CCDC91: variants seen among roughly 807,000 people sequenced by gnomAD.
CCDC91 encodes the protein coiled-coil domain-containing protein 91.
Under a neutral mutation model 63.2 loss-of-function variants are expected in CCDC91, and 48 were observed. That is an observed-to-expected ratio of 0.76 (90% CI 0.60 to 0.97). CCDC91 has a LOEUF of 0.97. Among genes scored for constraint, CCDC91 ranks in the 50% least tolerant of loss-of-function variants. The pLI is 0.00. For synonymous variants in CCDC91, 167 were observed against 165.8 expected, an observed-to-expected ratio of 1.01 and a Z score of -0.06; for missense variants, 500 against 494.6, an observed-to-expected ratio of 1.01 and a Z score of -0.10.
intron 1 of CCDC91, among the ~76,000 whole-genome samples, chr12:28,208,648 A>T (rs1943019210): frequency 6.6e-6 from 1 of 152,252 alleles, no homozygotes; most frequent in African/African-American, 2.4e-5. Context: ...GGTTACTGTA[A>T]GTCATTCATT....
intron 6 of CCDC91, among the ~76,000 whole-genome samples, chr12:28,341,400 A>T (rs1202995532): frequency 1.3e-5 from 2 of 152,062 alleles, no homozygotes; most frequent in Admixed American, 1.3e-4. Flanking sequence ...CCCCTCCCAT[A>T]TCATCACTTT....
intron 7 of CCDC91, among the ~76,000 whole-genome samples, chr12:28,386,454 T>C (rs1212853300): frequency 1.3e-5 from 2 of 152,102 alleles, no homozygotes; most frequent in African/African-American, 4.8e-5. Context: ...CTGTAACCTC[T>C]GCCTCCCGGG....
At chr12:28,423,410 C>G (rs1347414096) in intron 8 of CCDC91, among the ~76,000 whole-genome samples, 1 of 151,952 alleles carries the variant, frequency 6.6e-6, no homozygotes, top group Non-Finnish European at 1.5e-5. Context: ...GGGACAAAGG[C>G]ATTAGAGAAA....
At chr12:28,476,084 A>T (rs113235812) in intron 11 of CCDC91, among the ~76,000 whole-genome samples, 21 of 152,118 alleles carry the variant, frequency 1.4e-4, no homozygotes, top group African/African-American at 4.6e-4. Context: ...CATACTACTG[A>T]ATATTAGTTT....
At chr12:28,295,802 C>G (rs1427100565) in intron 3 of CCDC91, among the ~76,000 whole-genome samples, 1 of 151,996 alleles carries the variant, frequency 6.6e-6, no homozygotes, top group Non-Finnish European at 1.5e-5. Flanking sequence ...AGGAACTTAA[C>G]ATTTTAAAAT....
At chr12:28,354,840 G>T (rs747032885) in intron 6 of CCDC91, among the ~76,000 whole-genome samples, 5 of 152,060 alleles carry the variant, frequency 3.3e-5, no homozygotes. Context: ...TAGATTTATT[G>T]TGTATATATA....
At chr12:28,439,255 G>A (rs1046379159) in intron 8 of CCDC91, among the ~76,000 whole-genome samples, 1 of 152,110 alleles carries the variant, frequency 6.6e-6, no homozygotes, top group African/African-American at 2.4e-5. Flanking sequence ...TCTTTAAGTA[G>A]ATTTAATCTC....
At chr12:28,529,702 A>G (rs1941578323) in intron 12 of CCDC91, among the ~76,000 whole-genome samples, 1 of 152,244 alleles carries the variant, frequency 6.6e-6, no homozygotes, top group Non-Finnish European at 1.5e-5. Context: ...ATTCTTCAAT[A>G]GAATGAAGTT....
intron 11 of CCDC91, among the ~76,000 whole-genome samples, chr12:28,480,554 C>G (rs917651280): frequency 1.3e-5 from 2 of 151,912 alleles, no homozygotes; most frequent in South Asian, 2.1e-4. Context: ...AGTTTGCTAC[C>G]AACCACAAAC....
chr12:28,315,356 C>T (rs552323938), intron 6 of CCDC91, among the ~76,000 whole-genome samples: 53 of 151,610 alleles, frequency 3.5e-4, no homozygotes, highest in Non-Finnish European at 6.9e-4. Flanking sequence ...AGTAGAGATG[C>T]GGTCTCACCA....
intron 11 of CCDC91, among the ~76,000 whole-genome samples, chr12:28,460,581 A>T (rs1950255288): frequency 6.6e-6 from 1 of 152,104 alleles, no homozygotes; most frequent in Non-Finnish European, 1.5e-5. Flanking sequence ...AAGATAATAG[A>T]TTGGTGAAAA....
chr12:28,485,303 C>T (rs544163141), intron 12 of CCDC91, among the ~76,000 whole-genome samples: 18 of 151,978 alleles, frequency 1.2e-4, no homozygotes, highest in African/African-American at 4.1e-4. Flanking sequence ...AAATTACAGG[C>T]GCCTGCCACC....
intron 1 of CCDC91, 147 bp from the exon 2 acceptor site, chr12:28,257,055 A>G (rs1431349206): frequency 9.9e-6 from 5 of 504,676 alleles, no homozygotes; most frequent in Non-Finnish European, 1.8e-5. Flanking sequence ...AGTAAAAGCC[A>G]ATTGCAAATT....
At chr12:28,371,060 A>G (rs918447044) in intron 7 of CCDC91, among the ~76,000 whole-genome samples, 4 of 151,680 alleles carry the variant, frequency 2.6e-5, no homozygotes, top group African/African-American at 9.7e-5. Flanking sequence ...ATATTTTTTT[A>G]TCTCTAGTAA....
At chr12:28,359,069 T>C (rs1343006942) in intron 6 of CCDC91, among the ~76,000 whole-genome samples, 3 of 152,156 alleles carry the variant, frequency 2.0e-5, no homozygotes, top group Admixed American at 6.5e-5. Context: ...CTAATTTTTG[T>C]ATTTTTAGTA....
intron 1 of CCDC91, chr12:28,225,929 C>G (rs911064463): frequency 2.0e-5 from 3 of 152,188 alleles, no homozygotes; most frequent in Non-Finnish European, 4.4e-5. Flanking sequence ...GGGCAGATCA[C>G]AATCTCAAAA....
intron 11 of CCDC91, among the ~76,000 whole-genome samples, chr12:28,473,315 A>G (rs1183748349): frequency 6.6e-6 from 1 of 152,186 alleles, no homozygotes; most frequent in African/African-American, 2.4e-5. Flanking sequence ...ACAGAAATTA[A>G]TAGAACTGAC....
chr12:28,267,973 T>C (rs1227998523), intron 3 of CCDC91, among the ~76,000 whole-genome samples: 1 of 114,646 alleles, frequency 8.7e-6, no homozygotes, highest in African/African-American at 3.4e-5. Context: ...ATATAATTAA[T>C]ATATACCCAA....
chr12:28,485,006 CAG>C (rs991640278), intron 12 of CCDC91, among the ~76,000 whole-genome samples: 13 of 151,558 alleles, frequency 8.6e-5, no homozygotes, highest in Non-Finnish European at 1.3e-4. Context: ...CACACATAAA[CAG>C]TGTGTATGAG....
Sources: gnomAD v4.1 joint callset for allele counts (sites outside exome capture counted in the v4.1 genomes callset) on GRCh38, gnomAD v4.1.1 for gene constraint, MANE v1.5 for transcripts, NCBI Gene and HGNC (gene_info 2026-07-23, HGNC 2026-07-21) for gene names.